Variants in MED12L observed in about 807,000 individuals in gnomAD.
MED12L encodes mediator complex subunit 12L.
A neutral mutation model predicts 281.3 loss-of-function variants in MED12L; 60 were observed. The observed-to-expected ratio is 0.21, with a 90% CI of 0.17 to 0.26. The LOEUF (loss-of-function observed/expected upper bound fraction) is 0.26. Among genes scored for constraint, MED12L ranks in the 10% least tolerant of loss-of-function variants. MED12L has a pLI of 1.00. For synonymous variants in MED12L, 974 were observed against 987.2 expected (o/e 0.99, Z 0.25); for missense variants, 2,146 against 2,680.9 (o/e 0.80, Z 4.41).
At chr3:151,125,408 T>C (rs1245436812) in intron 4 of MED12L, among the ~76,000 whole-genome samples, 3 of 152,238 alleles carry the variant, frequency 2.0e-5, no homozygotes, top group Non-Finnish European at 4.4e-5. Context: ...AGATCTGTGC[T>C]GAGTTTTGTT....
At chr3:151,254,736 T>G (rs894311335) in intron 16 of MED12L, among the ~76,000 whole-genome samples, 1 of 152,230 alleles carries the variant, frequency 6.6e-6, no homozygotes, top group African/African-American at 2.4e-5. Flanking sequence ...CAGAGGAGAT[T>G]CGTGTTGACA....
chr3:151,167,980 A>G (rs1027736852), intron 11 of MED12L, among the ~76,000 whole-genome samples: 1 of 152,080 alleles, frequency 6.6e-6, no homozygotes, highest in Admixed American at 6.5e-5. Flanking sequence ...TATCATAACC[A>G]CCTTAGTTTT....
intron 16 of MED12L, among the ~76,000 whole-genome samples, chr3:151,297,236 A>G (rs1181729833): frequency 3.9e-5 from 6 of 152,176 alleles, no homozygotes; most frequent in Non-Finnish European, 5.9e-5. Context: ...ATTCAAGCCT[A>G]TTTTGATTTA....
At chr3:151,297,597 A>G (rs955343000) in intron 16 of MED12L, among the ~76,000 whole-genome samples, 4 of 152,226 alleles carry the variant, frequency 2.6e-5, no homozygotes, top group Non-Finnish European at 5.9e-5. Context: ...CATGAGCTAC[A>G]GCATACTTGG....
intron 39 of MED12L, among the ~76,000 whole-genome samples, chr3:151,398,510 G>A (rs1420262918): frequency 6.6e-6 from 1 of 152,182 alleles, no homozygotes; most frequent in African/African-American, 2.4e-5. Flanking sequence ...TCAGGAATGT[G>A]TTAAGACAGT....
intron 3 of MED12L, 126 bp downstream of exon 3, chr3:151,116,568 C>T (rs868042106): frequency 3.2e-6 from 2 of 629,894 alleles, no homozygotes; most frequent in South Asian, 1.9e-5. Flanking sequence ...CCCCAAATAC[C>T]ATGTATACCG....
chr3:151,205,785 G>C (rs1726265466), intron 16 of MED12L, among the ~76,000 whole-genome samples: 1 of 152,216 alleles, frequency 6.6e-6, no homozygotes, highest in African/African-American at 2.4e-5. Flanking sequence ...GCTGGGGACA[G>C]TGATTACAAT....
intron 39 of MED12L, among the ~76,000 whole-genome samples, chr3:151,407,052 C>T (rs375459813): frequency 2.6e-5 from 4 of 152,122 alleles, no homozygotes; most frequent in Non-Finnish European, 5.9e-5. Flanking sequence ...TCACCCGCCT[C>T]GGCCTCCCAA....
rs763497654 is a variant in MED12L at position 151,190,963 on chromosome 3, C to T, written c.1968+32C>T. 8.8e-6 allele frequency: 14 copies of T among 1,590,490 alleles called. No homozygotes were observed. In the Admixed American group the frequency reaches 1.2e-4, roughly 13 times the overall value. On this transcript the variant is annotated intron_variant, in intron 14 of 44. Transcript: ENST00000687756. ...CCCTGGATATGATGCCCCACTCCCC[C>T]AGAAACTAAACTCTACTGGGAACCA...
In MED12L at chr3:151,435,573, AT is replaced by A. The variant is rs1560164870; in HGVS notation, c.*2770del. ...GTAATTCTCGGTTTTGTGCACTGAG[AT>A]ATCTAAGACCTATGGCATTTTTTTC... On this transcript the variant is annotated 3_prime_UTR_variant, in exon 45 of 45. Transcript: ENST00000687756. The A allele has an allele frequency of 1.3e-5, 2 of 152,146 alleles. No homozygotes were observed. Among genetic ancestry groups the A allele is most frequent in the African/African-American group, 4.8e-5 (2 of 41,420 alleles). The allele number at this position is 152,146 out of a possible 1,614,324, so 9.4% of individuals were successfully genotyped here.
rs1021218995 is a variant in MED12L, at chr3:151,339,016, A to G, written c.2251-11043A>G. On this transcript the variant is annotated intron_variant, in intron 16 of 44. Coordinates refer to ENST00000687756, the MANE Select transcript of MED12L (RefSeq NM_001393769.1). ...TATGAACACAGAAAACTGAATCCCA[A>G]AATATTTCATTGCAGCAAATATTGC... Among the ~76,000 whole-genome samples the G allele has an allele frequency of 2.0e-5, 3 of 152,186 alleles. No homozygotes were observed. In the East Asian group the frequency reaches 5.8e-4, roughly 29 times the overall value.
At position 151,430,346 on chromosome 3, in the gene MED12L, C is replaced by T. The variant is rs778977237; in HGVS notation, c.6456C>T (p.Ala2152=). 15 of 1,613,946 alleles carry T rather than the reference C, an allele frequency of 9.3e-6. No individual in the cohort carries two copies. The highest frequency in any genetic ancestry group is 8.3e-5 in the Admixed American group (5 of 59,992). ...LQQTQQQQQT[A]ALVRQLQKQL... ...AGACCCAGCAGCAGCAGCAGACGGCCGCCTTGGTGCGGCAGCTCCAGAAGC... is the reference window on the plus strand; with the variant it reads ...AGACCCAGCAGCAGCAGCAGACGGCTGCCTTGGTGCGGCAGCTCCAGAAGC... The change falls in exon 44 of 45, where the codon GCC becomes GCT. Residue 2152 remains alanine, a synonymous_variant. Transcript: ENST00000687756.
intron 16 of MED12L, among the ~76,000 whole-genome samples, chr3:151,334,857 T>C (rs974562727): frequency 6.6e-6 from 1 of 152,150 alleles, no homozygotes; most frequent in Non-Finnish European, 1.5e-5. Context: ...TTGTGAGCCA[T>C]GCAGTCTACA....
At chr3:151,290,398 C>A (rs543414345) in intron 16 of MED12L, among the ~76,000 whole-genome samples, 2 of 151,994 alleles carry the variant, frequency 1.3e-5, no homozygotes, top group Non-Finnish European at 2.9e-5. Flanking sequence ...AAGAAAACTT[C>A]AAGAGTATTC....
intron 5 of MED12L, 50 bp downstream of exon 5, chr3:151,128,034 G>C: frequency 6.5e-7 from 1 of 1,529,018 alleles, no homozygotes; most frequent in Non-Finnish European, 9.0e-7. Flanking sequence ...GATTTTGCAA[G>C]TAATTGTTGC....
At chr3:151,151,967 G>C (rs1718582858) in intron 5 of MED12L, among the ~76,000 whole-genome samples, 1 of 151,738 alleles carries the variant, frequency 6.6e-6, no homozygotes, top group South Asian at 2.1e-4. Context: ...ACATGGGAGA[G>C]AAAGCAACTG....
chr3:151,429,420 C>T (rs1180372699), intron 43 of MED12L, among the ~76,000 whole-genome samples: 1 of 152,088 alleles, frequency 6.6e-6, no homozygotes, highest in Non-Finnish European at 1.5e-5. Context: ...GTCAGAACGC[C>T]TCGTTTATGA....
chr3:151,405,620 A>G (rs1716209122), intron 39 of MED12L, among the ~76,000 whole-genome samples: 2 of 152,154 alleles, frequency 1.3e-5, no homozygotes, highest in African/African-American at 4.8e-5. Context: ...CTTGGCAACA[A>G]AGTGAGATGC....
chr3:151,153,568 T>TC (rs1389712522), intron 5 of MED12L, among the ~76,000 whole-genome samples: 4 of 139,210 alleles, frequency 2.9e-5, no homozygotes, highest in Admixed American at 7.1e-5. Context: ...TTCTTTCTTT[T>TC]TTTTTTTTTT....
Sources: gnomAD v4.1 joint callset for allele counts (sites outside exome capture counted in the v4.1 genomes callset) on GRCh38, gnomAD v4.1.1 for gene constraint, MANE v1.5 for transcripts, NCBI Gene and HGNC (gene_info 2026-07-23, HGNC 2026-07-21) for gene names.